Variants in DHCR7 observed in about 807,000 individuals in gnomAD.
DHCR7 encodes the protein 7-DHC reductase.
Under a neutral mutation model 43.3 loss-of-function variants are expected in DHCR7, and 40 were observed. That is an observed-to-expected ratio of 0.92 (90% CI 0.72 to 1.20). The LOEUF is 1.20. DHCR7 is among the 50% of genes most tolerant of loss of function. The probability of loss-of-function intolerance (pLI) is 0.00; values close to 1 mark genes in which losing one functional copy is unlikely to be tolerated. For missense variants in DHCR7, 608 were observed against 644.6 expected (o/e 0.94, Z 0.62); for synonymous variants, 298 against 271.4 (o/e 1.10, Z -0.96).
chr11:71,435,772 C>T lies in DHCR7; in HGVS notation c.1031G>A (p.Gly344Asp), dbSNP rs1409887214. The change falls in exon 9 of 9, where the codon GGC becomes GAC. Residue 344 changes from glycine (G) to aspartate (D), a missense_variant. Transcript: ENST00000355527. The part of the protein sequence containing the change: ...TPHAVGVLLL[G>D]LVGYYIFRVA... ...CCGGAAGATGTAGTAGCCCACCAGG[C>T]CCAGCAGCAGGACGCCCACGGCGTG... 1 of 1,609,510 alleles carries T rather than the reference C, an allele frequency of 6.2e-7. No homozygotes were observed. The highest frequency in any genetic ancestry group is 2.2e-5 in the East Asian group (1 of 44,766).
chr11:71,432,429 A>G (rs1164000714), downstream of DHCR7, among the ~76,000 whole-genome samples: 1 of 152,188 alleles, frequency 6.6e-6, no homozygotes, highest in Non-Finnish European at 1.5e-5. Context: ...TGGTATTTTC[A>G]ATTGACAATA....
At chr11:71,442,206 C>T (rs1949354984) in intron 5 of DHCR7, 57 bp downstream of exon 5, 4 of 1,294,976 alleles carry the variant, frequency 3.1e-6, no homozygotes, top group Admixed American at 3.7e-5. Context: ...GAGGACTGGC[C>T]CCTGAGAGAA....
At chr11:71,442,204 GC>G in intron 5 of DHCR7, 58 bp downstream of exon 5, 1 of 1,263,438 alleles carries the variant, frequency 7.9e-7, no homozygotes, top group African/African-American at 1.5e-5. Flanking sequence ...GGGAGGACTG[GC>G]CCCTGAGAGA....
intron 8 of DHCR7, 54 bp from the exon 9 acceptor site, chr11:71,435,893 G>A (rs1330989182): frequency 1.3e-6 from 2 of 1,509,664 alleles, no homozygotes; most frequent in Non-Finnish European, 1.8e-6. Flanking sequence ...GAGAGGACAG[G>A]AGTGTGGGCT....
chr11:71,444,799 G>C, intron 3 of DHCR7, 56 bp downstream of exon 3: 1 of 1,512,904 alleles, frequency 6.6e-7, no homozygotes, highest in Non-Finnish European at 9.2e-7. Context: ...CCAAAGGCTG[G>C]AAAGCTCTGA....
chr11:71,435,581 A>G lies in DHCR7; in HGVS notation c.1222T>C (p.Tyr408His), dbSNP rs1046560765. 3.1e-6 allele frequency: 5 copies of G among 1,611,300 alleles called. No individual in the cohort carries two copies. Among genetic ancestry groups the G allele is most frequent in the Non-Finnish European group, 4.2e-6 (5 of 1,179,888 alleles). The change falls in exon 9 of 9, where the codon TAC becomes CAC. Residue 408 changes from tyrosine to histidine, a missense_variant. Coordinates refer to ENST00000355527, the MANE Select transcript of DHCR7 (RefSeq NM_001360.3). Reference protein sequence around the residue: ...GFWGVARHFNYVGDLMGSLAY... With the variant: ...GFWGVARHFNHVGDLMGSLAY... ...AGGCTGCCCATCAGGTCGCCGACGT[A>G]GTTGAAGTGGCGGGCCACGCCCCAG...
At chr11:71,428,762 C>G (rs901633866) in exon 3 of DHCR7, 1 of 450,896 alleles carries the variant, frequency 2.2e-6, no homozygotes, top group Non-Finnish European at 4.4e-6. Context: ...TCTGCAGACG[C>G]CTTTGCTGCC....
At chr11:71,443,516 C>T (rs912975909) in intron 4 of DHCR7, among the ~76,000 whole-genome samples, 1 of 152,194 alleles carries the variant, frequency 6.6e-6, no homozygotes, top group African/African-American at 2.4e-5. Context: ...AGTGGGGACA[C>T]CATGGAGCTG....
chr11:71,429,379 T>G (rs1409156957), intron 2 of DHCR7, among the ~76,000 whole-genome samples: 1 of 152,128 alleles, frequency 6.6e-6, no homozygotes, highest in Non-Finnish European at 1.5e-5. Context: ...TTTGATGGGA[T>G]AGTCTGGCTG....
intron 2 of DHCR7, among the ~76,000 whole-genome samples, chr11:71,447,132 T>C (rs2120356665): frequency 6.6e-6 from 1 of 152,324 alleles, no homozygotes; most frequent in East Asian, 1.9e-4. Flanking sequence ...ACACTTGCCT[T>C]ACAGGAAGGC....
chr11:71,441,800 C>T (rs912550537), intron 5 of DHCR7, among the ~76,000 whole-genome samples: 1 of 152,180 alleles, frequency 6.6e-6, no homozygotes, highest in African/African-American at 2.4e-5. Flanking sequence ...GGGAGCACCT[C>T]AGCCCATCCA....
At chr11:71,440,984 G>A (rs554556821) in intron 6 of DHCR7, among the ~76,000 whole-genome samples, 4 of 152,320 alleles carry the variant, frequency 2.6e-5, no homozygotes, top group African/African-American at 7.2e-5. Context: ...CAGCCCTAAA[G>A]GCAATGACTT....
intron 2 of DHCR7, among the ~76,000 whole-genome samples, chr11:71,446,773 C>A (rs1409612627): frequency 6.6e-6 from 1 of 152,220 alleles, no homozygotes; most frequent in East Asian, 1.9e-4. Context: ...CTATGATGCA[C>A]AAAACAAGAC....
chr11:71,432,623 C>T (rs544736857), downstream of DHCR7, among the ~76,000 whole-genome samples: 5 of 152,130 alleles, frequency 3.3e-5, no homozygotes, highest in South Asian at 1.0e-3. Flanking sequence ...TATGGTCACC[C>T]ACCATGCTGT....
At chr11:71,435,952 C>A in intron 8 of DHCR7, 113 bp from the exon 9 acceptor site, 3 of 837,820 alleles carry the variant, frequency 3.6e-6, no homozygotes, top group South Asian at 2.9e-5. Flanking sequence ...CTCTGACACA[C>A]GCCTTGCCTC....
intron 2 of DHCR7, among the ~76,000 whole-genome samples, chr11:71,447,218 T>A (rs542612915): frequency 6.6e-6 from 1 of 152,332 alleles, no homozygotes; most frequent in South Asian, 2.1e-4. Context: ...GGTACCAACA[T>A]TATCAATTAT....
At chr11:71,443,425 G>A (rs1443704326) in intron 4 of DHCR7, among the ~76,000 whole-genome samples, 1 of 152,106 alleles carries the variant, frequency 6.6e-6, no homozygotes. Context: ...CCTTTTCCTG[G>A]GTTCAGGCAA....
At chr11:71,441,150 T>A (rs1949343188) in intron 6 of DHCR7, 77 bp downstream of exon 6, 7 of 1,389,478 alleles carry the variant, frequency 5.0e-6, no homozygotes, top group Non-Finnish European at 7.2e-6. Context: ...TACAACCACC[T>A]GCCCCAGGCA....
chr11:71,428,698 G>C, exon 3 of DHCR7: 1 of 375,838 alleles, frequency 2.7e-6, no homozygotes. Context: ...GAACCTCCCT[G>C]CAGCTCCCTG....
Sources: gnomAD v4.1 joint callset for allele counts (sites outside exome capture counted in the v4.1 genomes callset) on GRCh38, gnomAD v4.1.1 for gene constraint, MANE v1.5 for transcripts, NCBI Gene and HGNC (gene_info 2026-07-23, HGNC 2026-07-21) for gene names.